Variants in TPTE observed in about 807,000 individuals in gnomAD.
The protein encoded by TPTE is transmembrane phosphatase with tensin homology, also known as putative tyrosine-protein phosphatase TPTE.
A neutral mutation model predicts 84.1 loss-of-function variants in TPTE; 59 were observed. That is an observed-to-expected ratio of 0.70 (90% CI 0.57 to 0.87). The LOEUF is 0.87. Ranked by LOEUF, TPTE falls within the 40% of genes least tolerant of loss-of-function variation. The probability of loss-of-function intolerance (pLI) is 0.00; values close to 1 mark genes in which losing one functional copy is unlikely to be tolerated. For missense variants in TPTE, 382 were observed against 659.6 expected, an observed-to-expected ratio of 0.58 and a Z score of 4.61; for synonymous variants, 130 against 223.5, an observed-to-expected ratio of 0.58 and a Z score of 3.73.
At chr21:10,597,983 C>T (rs746729455) in intron 20 of TPTE, 32 bp from the exon 21 acceptor site, 1 of 1,611,378 alleles carries the variant, frequency 6.2e-7, no homozygotes, top group Non-Finnish European at 8.5e-7. Flanking sequence ...CGCTAGCCAA[C>T]CTAACTTTTT....
chr21:10,542,083 C>G (rs1009428112), intron 5 of TPTE, among the ~76,000 whole-genome samples: 1 of 152,310 alleles, frequency 6.6e-6, no homozygotes, highest in Non-Finnish European at 1.5e-5. Context: ...GGCTGACTAC[C>G]TACAAATTGG....
At chr21:10,593,454 C>G (rs1053209786) in intron 19 of TPTE, among the ~76,000 whole-genome samples, 1 of 152,292 alleles carries the variant, frequency 6.6e-6, no homozygotes, top group Non-Finnish European at 1.5e-5. Context: ...TCCTAAGTCT[C>G]TTTTAAGAAT....
At chr21:10,529,389 T>C (rs1323824382) in intron 3 of TPTE, among the ~76,000 whole-genome samples, 1 of 152,306 alleles carries the variant, frequency 6.6e-6, no homozygotes, top group Non-Finnish European at 1.5e-5. Context: ...CTTAATAGAA[T>C]GTCTAACAGC....
intron 5 of TPTE, among the ~76,000 whole-genome samples, chr21:10,542,135 A>G (rs1002791477): frequency 2.0e-5 from 3 of 152,426 alleles, no homozygotes; most frequent in South Asian, 4.1e-4. Context: ...TCTGTCACAC[A>G]TTGGGACTGA....
At chr21:10,566,777 G>C (rs1485259058) in intron 10 of TPTE, among the ~76,000 whole-genome samples, 1 of 152,302 alleles carries the variant, frequency 6.6e-6, no homozygotes, top group Admixed American at 6.5e-5. Flanking sequence ...GGGAGTTCGA[G>C]ACCAGCCTGA....
At chr21:10,537,092 C>T (rs1159232085) in intron 3 of TPTE, among the ~76,000 whole-genome samples, 2 of 152,308 alleles carry the variant, frequency 1.3e-5, no homozygotes, top group Non-Finnish European at 2.9e-5. Flanking sequence ...ATGGCAAAAA[C>T]AAGGCACTCA....
At chr21:10,546,953 A>G (rs1229416525) in intron 7 of TPTE, among the ~76,000 whole-genome samples, 2 of 152,426 alleles carry the variant, frequency 1.3e-5, no homozygotes, top group East Asian at 3.9e-4. Context: ...GAATGTGGCC[A>G]AACTAAACAA....
chr21:10,563,130 A>C (rs1469651992), intron 10 of TPTE, among the ~76,000 whole-genome samples: 1 of 152,310 alleles, frequency 6.6e-6, no homozygotes, highest in East Asian at 1.9e-4. Context: ...AAGGAAAAAA[A>C]CATTTACCCT....
rs1321308208 is a variant in TPTE, at chr21:10,599,700, C to A, written c.1356+1606C>A. The stretch of plus-strand genomic sequence containing the variant: ...AGCTCTGAAGATATAATAGCCCTAA[C>A]GTGTAATACCTGAGCTTTTTTCCAT... On this transcript the variant is annotated intron_variant, in intron 21 of 23. Coordinates refer to ENST00000618007, the MANE Select transcript of TPTE (RefSeq NM_199261.4). 1.1e-4 allele frequency among the ~76,000 whole-genome samples: 17 copies of A among 152,208 alleles called. No homozygotes were observed. In the Admixed American group the frequency reaches 1.1e-3, roughly 10 times the overall value.
intron 7 of TPTE, among the ~76,000 whole-genome samples, chr21:10,551,025 G>A: frequency 6.6e-6 from 1 of 152,304 alleles, no homozygotes; most frequent in East Asian, 1.9e-4. Context: ...AAGAAATTAA[G>A]AATGAAATTT....
chr21:10,528,159 A>G (rs2074112768), intron 3 of TPTE, among the ~76,000 whole-genome samples: 1 of 152,308 alleles, frequency 6.6e-6, no homozygotes, highest in African/African-American at 2.4e-5. Context: ...TTTTAGGGAC[A>G]ACACATTGTA....
At chr21:10,552,033 C>T (rs975630049) in intron 7 of TPTE, among the ~76,000 whole-genome samples, 9 of 152,424 alleles carry the variant, frequency 5.9e-5, no homozygotes, top group African/African-American at 2.2e-4. Flanking sequence ...GAAATTGTCT[C>T]AGCCACTCTG....
intron 19 of TPTE, among the ~76,000 whole-genome samples, chr21:10,593,695 CTGAA>C (rs1422377320): frequency 2.6e-5 from 4 of 152,304 alleles, no homozygotes. Context: ...GAACCAAGGA[CTGAA>C]ATCTAGATGT....
At chr21:10,561,332 A>G (rs1377417651) in intron 10 of TPTE, 141 bp downstream of exon 10, 18 of 1,215,312 alleles carry the variant, frequency 1.5e-5, no homozygotes, top group Non-Finnish European at 1.7e-5. Context: ...TCTCTACTAA[A>G]AATACAAAAA....
chr21:10,596,822 C>T (rs1371071964), intron 20 of TPTE, among the ~76,000 whole-genome samples: 1 of 152,426 alleles, frequency 6.6e-6, no homozygotes, highest in East Asian at 1.9e-4. Context: ...TATTTTTAGC[C>T]TTCTGAGTTT....
At chr21:10,563,214 G>T (rs1040666490) in intron 10 of TPTE, among the ~76,000 whole-genome samples, 5 of 152,308 alleles carry the variant, frequency 3.3e-5, no homozygotes, top group Admixed American at 3.3e-4. Flanking sequence ...AAAGCTGAGG[G>T]ATTTTGTCAA....
intron 7 of TPTE, among the ~76,000 whole-genome samples, chr21:10,549,381 CAT>C (rs1383903680): frequency 2.6e-5 from 4 of 152,302 alleles, no homozygotes; most frequent in Non-Finnish European, 5.9e-5. Flanking sequence ...TAATCATAAA[CAT>C]ATGATGTGAC....
In TPTE at chr21:10,584,879, A is replaced by AGTGTGTGTGTGTGTGT. The variant is rs56198162; in HGVS notation, c.1028-5562_1028-5547dup. ...TCAACATCTCTCCAAATGCTTTACG[A>AGTGTGTGTGTGTGTGT]GTGTGTGTGTGTGTGTGTGTGTGTG... On this transcript the variant is annotated intron_variant, in intron 17 of 23. Transcript: ENST00000618007. Among the ~76,000 whole-genome samples, 88 of 148,770 alleles carry AGTGTGTGTGTGTGTGT rather than the reference A, an allele frequency of 5.9e-4. No homozygotes were observed. The East Asian group carries it at 9.0e-3, about 15-fold the overall frequency.
chr21:10,538,908 CAAG>C (rs1178234744), intron 4 of TPTE, among the ~76,000 whole-genome samples, 174 bp downstream of exon 4: 5 of 152,308 alleles, frequency 3.3e-5, no homozygotes, highest in African/African-American at 1.2e-4. Flanking sequence ...AAACATACAA[CAAG>C]GAGACAGACG....
Sources: allele counts gnomAD v4.1 joint callset (sites outside exome capture counted in the v4.1 genomes callset), GRCh38; gene constraint gnomAD v4.1.1; transcripts MANE v1.5; gene names NCBI Gene and HGNC (gene_info 2026-07-23, HGNC 2026-07-21).